Variants in TSHZ3 observed in about 807,000 individuals in gnomAD.
TSHZ3 encodes teashirt zinc finger homeobox 3, also known as teashirt homolog 3.
A neutral mutation model predicts 64.5 loss-of-function variants in TSHZ3; 10 were observed. The observed-to-expected ratio is 0.16, with a 90% CI of 0.10 to 0.26. The LOEUF (loss-of-function observed/expected upper bound fraction) is 0.26. Among genes scored for constraint, TSHZ3 ranks in the 10% least tolerant of loss-of-function variants. The probability of loss-of-function intolerance (pLI) is 1.00; values close to 1 mark genes in which losing one functional copy is unlikely to be tolerated. For missense variants in TSHZ3, 1,242 were observed against 1,421.7 expected, an observed-to-expected ratio of 0.87 and a Z score of 2.03; for synonymous variants, 608 against 593.1, an observed-to-expected ratio of 1.03 and a Z score of -0.36.
chr19:31,292,368 T>C (rs1976581638), intron 1 of TSHZ3, among the ~76,000 whole-genome samples: 1 of 152,154 alleles, frequency 6.6e-6, no homozygotes, highest in South Asian at 2.1e-4. Context: ...GCCTATACAC[T>C]TGGTGATCTA....
chr19:31,287,033 G>A (rs1034808715), intron 1 of TSHZ3, among the ~76,000 whole-genome samples: 1 of 152,170 alleles, frequency 6.6e-6, no homozygotes, highest in African/African-American at 2.4e-5. Context: ...ATTCATTTCT[G>A]GGCAAGGTGG....
intron 3 of TSHZ3, among the ~76,000 whole-genome samples, chr19:31,238,859 A>ATGCT (rs1331911898): frequency 4.6e-5 from 7 of 152,034 alleles, no homozygotes; most frequent in African/African-American, 1.7e-4. Context: ...TTTCATTGGG[A>ATGCT]TGCTTAGTAT....
chr19:31,321,804 A>T (rs909312855), intron 1 of TSHZ3, among the ~76,000 whole-genome samples: 1 of 151,998 alleles, frequency 6.6e-6, no homozygotes, highest in Non-Finnish European at 1.5e-5. Flanking sequence ...ATGTATGAGT[A>T]AACGCATTTC....
intron 5 of TSHZ3, among the ~76,000 whole-genome samples, chr19:31,192,217 G>A (rs1974920582): frequency 6.6e-6 from 1 of 152,088 alleles, no homozygotes; most frequent in African/African-American, 2.4e-5. Flanking sequence ...AAAGAAGACA[G>A]GAAATAAGAA....
chr19:31,174,879 G>C (rs1024857908), intron 5 of TSHZ3, among the ~76,000 whole-genome samples: 2 of 152,114 alleles, frequency 1.3e-5, no homozygotes, highest in African/African-American at 4.8e-5. Context: ...AAACCTTATG[G>C]GAATAAACAA....
At position 31,278,178 on chromosome 19, in the gene TSHZ3, T is replaced by C. The variant is rs1283194914; in HGVS notation, c.1615A>G (p.Asn539Asp). The C allele has an allele frequency of 6.2e-7, 1 of 1,614,176 alleles. No homozygotes were observed. Among genetic ancestry groups the C allele is most frequent in the South Asian group, 1.1e-5 (1 of 91,080 alleles). Residue 539 changes from asparagine to aspartate, a missense_variant, in exon 2 of 2, where the codon AAC becomes GAC. Physicochemically the swap from Asn to Asp is conservative, Grantham distance 23. Coordinates refer to ENST00000240587, the MANE Select transcript of TSHZ3 (RefSeq NM_020856.4). This position sits in a 1 kb window ranked among gnomAD's most constrained non-coding sequence, Gnocchi z 4.7. ...TVTSAINKAQNGTPSWGGYPS... is the reference protein window; with the variant it reads ...TVTSAINKAQDGTPSWGGYPS... ...TAGCCCCCCCAGCTAGGAGTGCCGT[T>C]CTGGGCCTTGTTGATTGCGGATGTC... is the stretch of plus-strand genomic sequence containing the variant.
intron 1 of TSHZ3, among the ~76,000 whole-genome samples, chr19:31,255,763 A>G (rs1326366030): frequency 2.0e-5 from 3 of 152,164 alleles, no homozygotes; most frequent in African/African-American, 7.2e-5. Flanking sequence ...GGAATGGGGA[A>G]TCCCTTGTCC....
chr19:31,201,989 G>A (rs8105563), intron 5 of TSHZ3, among the ~76,000 whole-genome samples: 105,832 of 151,874 alleles, frequency 0.7, 37,064 homozygotes, highest in African/African-American at 0.77. Flanking sequence ...CAACGTGGCA[G>A]AACCCCATCT....
intron 1 of TSHZ3, among the ~76,000 whole-genome samples, chr19:31,324,717 C>T (rs957576388): frequency 1.3e-5 from 2 of 152,240 alleles, no homozygotes; most frequent in African/African-American, 2.4e-5. Context: ...GGGACAACCC[C>T]ACTTAGAAAG....
At chr19:31,243,309 G>A (rs1975720119) in intron 1 of TSHZ3, among the ~76,000 whole-genome samples, 1 of 152,072 alleles carries the variant, frequency 6.6e-6, no homozygotes, top group Admixed American at 6.5e-5. Context: ...ACAATTCCAT[G>A]CTTGGTCCCT....
intron 1 of TSHZ3, among the ~76,000 whole-genome samples, chr19:31,311,209 C>T (rs567740069): frequency 6.6e-6 from 1 of 152,340 alleles, no homozygotes; most frequent in East Asian, 1.9e-4. Context: ...AGATAAACTT[C>T]AAGCAAGTTG....
chr19:31,328,697 C>A (rs1272185473), intron 1 of TSHZ3, among the ~76,000 whole-genome samples: 1 of 152,116 alleles, frequency 6.6e-6, no homozygotes, highest in East Asian at 1.9e-4. Context: ...GAGGTGTTTT[C>A]TTCTTTAGGT....
At chr19:31,162,921 G>T (rs1433011167) in intron 5 of TSHZ3, among the ~76,000 whole-genome samples, 1 of 152,054 alleles carries the variant, frequency 6.6e-6, no homozygotes, top group African/African-American at 2.4e-5. Flanking sequence ...TTTGTCTCAG[G>T]TCCTGTGCTA....
intron 5 of TSHZ3, among the ~76,000 whole-genome samples, chr19:31,163,375 T>C (rs1974396037): frequency 6.6e-6 from 1 of 152,118 alleles, no homozygotes; most frequent in African/African-American, 2.4e-5. Flanking sequence ...TATTCTGTAG[T>C]GGAGAATAGA....
chr19:31,191,991 C>A (rs1192975117), intron 5 of TSHZ3, among the ~76,000 whole-genome samples: 1 of 152,028 alleles, frequency 6.6e-6, no homozygotes, highest in African/African-American at 2.4e-5. Context: ...AAGTAAGATA[C>A]ACAACAATAA....
intron 4 of TSHZ3, among the ~76,000 whole-genome samples, chr19:31,227,898 T>A (rs1010756145): frequency 6.6e-6 from 1 of 152,188 alleles, no homozygotes; most frequent in African/African-American, 2.4e-5. Context: ...TCTAGCGCCA[T>A]CATGAAATCT....
chr19:31,346,203 G>A (rs970403574), intron 1 of TSHZ3, among the ~76,000 whole-genome samples: 2 of 152,156 alleles, frequency 1.3e-5, no homozygotes, highest in East Asian at 1.9e-4. Flanking sequence ...TGTGTGCCAC[G>A]TCTGCTCGCC....
chr19:31,314,462 T>C (rs1916550210), intron 1 of TSHZ3, among the ~76,000 whole-genome samples: 1 of 152,218 alleles, frequency 6.6e-6, no homozygotes, highest in Admixed American at 6.5e-5. Context: ...ATCTGGCTGC[T>C]CACCTCCTTC....
chr19:31,297,461 C>T (rs1046676320), intron 1 of TSHZ3, among the ~76,000 whole-genome samples: 3 of 152,072 alleles, frequency 2.0e-5, no homozygotes, highest in African/African-American at 7.2e-5. Context: ...GAAAGTTCTA[C>T]AACCTCGATT....
Sources: gnomAD v4.1 joint callset for allele counts (sites outside exome capture counted in the v4.1 genomes callset) on GRCh38, gnomAD v4.1.1 for gene constraint, Gnocchi (gnomAD v3.1) non-coding constraint, MANE v1.5 for transcripts, NCBI Gene and HGNC (gene_info 2026-07-23, HGNC 2026-07-21) for gene names.